The following PRKG1 variants were observed in gnomAD, a reference collection of about 807,000 sequenced individuals.
The protein encoded by PRKG1 is cGMP-dependent protein kinase 1.
PRKG1 carries 35 observed loss-of-function variants against 88.1 expected under a neutral mutation model. The ratio of observed to expected loss-of-function variants is 0.40; its 90% CI spans 0.30 to 0.53. The LOEUF (loss-of-function observed/expected upper bound fraction) is 0.53, where lower values mean the gene tolerates loss of function less well. PRKG1 is among the 20% of genes least tolerant of loss of function. PRKG1 has a pLI of 0.59. For missense variants in PRKG1, 540 were observed against 839.8 expected (o/e 0.64, Z 4.41); for synonymous variants, 303 against 292.5 (o/e 1.04, Z -0.37).
At chr10:51,283,163 T>A (rs893565063) in intron 2 of PRKG1, among the ~76,000 whole-genome samples, 2 of 152,002 alleles carry the variant, frequency 1.3e-5, no homozygotes, top group African/African-American at 4.8e-5. Context: ...CTACTGCCAC[T>A]TTAGGAGATG....
chr10:51,180,130 C>A (rs1837305878), intron 2 of PRKG1, among the ~76,000 whole-genome samples: 1 of 152,136 alleles, frequency 6.6e-6, no homozygotes, highest in Non-Finnish European at 1.5e-5. Flanking sequence ...TGAGTGAGGA[C>A]CTTCAAATAT....
intron 3 of PRKG1, among the ~76,000 whole-genome samples, chr10:51,740,207 G>T (rs1837396887): frequency 6.6e-6 from 1 of 152,008 alleles, no homozygotes; most frequent in Non-Finnish European, 1.5e-5. Context: ...TGTATTTTTT[G>T]TAGAGACAGG....
rs528735656 is a variant in PRKG1 at position 51,459,467 on chromosome 10, G to A, written c.479-8256G>A. The stretch of plus-strand genomic sequence containing the variant: ...TTTATGAACCATGACCTAGAGGCCT[G>A]CTTATCCCCACTTAAAACTGCTTCT... On this transcript the variant is annotated intron_variant, in intron 2 of 17. Coordinates refer to ENST00000373980, the MANE Select transcript of PRKG1 (RefSeq NM_006258.4). Among the ~76,000 whole-genome samples the A allele has an allele frequency of 2.0e-5, 3 of 152,008 alleles. No individual in the cohort carries two copies. In the South Asian group the frequency reaches 6.2e-4, roughly 32 times the overall value.
At chr10:51,532,350 T>C (rs1404890684) in intron 3 of PRKG1, among the ~76,000 whole-genome samples, 1 of 152,222 alleles carries the variant, frequency 6.6e-6, no homozygotes, top group Admixed American at 6.5e-5. Context: ...GTGAAAATAC[T>C]CCATATACAA....
At chr10:51,834,154 G>C (rs1019518482) in intron 4 of PRKG1, among the ~76,000 whole-genome samples, 4 of 152,090 alleles carry the variant, frequency 2.6e-5, no homozygotes, top group Non-Finnish European at 5.9e-5. Flanking sequence ...ACTTTAGTCA[G>C]ACGCTTCCCC....
intron 5 of PRKG1, among the ~76,000 whole-genome samples, chr10:51,963,317 G>A (rs1843490526): frequency 6.6e-6 from 1 of 152,132 alleles, no homozygotes; most frequent in Non-Finnish European, 1.5e-5. Context: ...TAAGAAGACT[G>A]TTCATTAAGA....
chr10:52,280,808 A>G lies in PRKG1; in HGVS notation c.1423A>G (p.Thr475Ala), dbSNP rs140630065. ...CCTCAGAGGTTCGTTTGAAGATTCT[A>G]CAACCAGATTTTACACAGCATGTGT... Reference protein sequence around the residue: ...LRDRGSFEDSTTRFYTACVVE... With the variant: ...LRDRGSFEDSATRFYTACVVE... Residue 475 changes from threonine to alanine, a missense_variant, in exon 13 of 18, where the codon ACA becomes GCA. Physicochemically the swap from Thr to Ala is moderately conservative, Grantham distance 58 (BLOSUM62 0). Coordinates refer to ENST00000373980, the MANE Select transcript of PRKG1 (RefSeq NM_006258.4). 47 of 1,613,200 alleles carry G rather than the reference A, an allele frequency of 2.9e-5. No individual in the cohort carries two copies. The highest frequency in any genetic ancestry group is 3.7e-5 in the Non-Finnish European group (44 of 1,179,496).
At chr10:51,367,708 C>T (rs1273575175) in intron 2 of PRKG1, among the ~76,000 whole-genome samples, 1 of 151,882 alleles carries the variant, frequency 6.6e-6, no homozygotes, top group African/African-American at 2.4e-5. Context: ...AAGTCTCTAC[C>T]AATTTTGAGA....
chr10:51,312,064 T>C, intron 2 of PRKG1, among the ~76,000 whole-genome samples: 1 of 151,986 alleles, frequency 6.6e-6, no homozygotes, highest in Non-Finnish European at 1.5e-5. Context: ...TAGAGATGGG[T>C]TTTCTCCATG....
chr10:52,068,329 T>C (rs1361981296), intron 7 of PRKG1, among the ~76,000 whole-genome samples: 2 of 151,732 alleles, frequency 1.3e-5, no homozygotes, highest in Non-Finnish European at 2.9e-5. Flanking sequence ...ATAGGAAATA[T>C]GGTAGACCAA....
chr10:51,828,385 T>G (rs916204972), intron 4 of PRKG1, among the ~76,000 whole-genome samples: 1 of 152,172 alleles, frequency 6.6e-6, no homozygotes, highest in African/African-American at 2.4e-5. Flanking sequence ...GCCTCATTGG[T>G]GCTCAGACTT....
At chr10:52,261,734 G>A (rs374394673) in intron 10 of PRKG1, among the ~76,000 whole-genome samples, 3 of 152,044 alleles carry the variant, frequency 2.0e-5, no homozygotes, top group Admixed American at 2.0e-4. Flanking sequence ...TGATGTTATT[G>A]TGCAGAGAAA....
intron 1 of PRKG1, among the ~76,000 whole-genome samples, chr10:51,003,275 C>G (rs1842908356): frequency 6.6e-6 from 1 of 152,148 alleles, no homozygotes; most frequent in Non-Finnish European, 1.5e-5. Context: ...TTTATTTTCT[C>G]TGATCTTTCT....
chr10:52,103,821 T>C (rs1034315327), intron 7 of PRKG1, among the ~76,000 whole-genome samples: 4 of 151,874 alleles, frequency 2.6e-5, no homozygotes, highest in East Asian at 3.9e-4. Flanking sequence ...TTGTATGAAA[T>C]AGCAGCAAAG....
At chr10:52,230,945 A>G (rs1840506203) in intron 9 of PRKG1, 1 of 152,202 alleles carries the variant, frequency 6.6e-6, no homozygotes, top group African/African-American at 2.4e-5. Context: ...GAAGAAAACA[A>G]CTATCCTAGA....
At chr10:52,116,848 A>T (rs11000825) in intron 7 of PRKG1, among the ~76,000 whole-genome samples, 3,723 of 151,154 alleles carry the variant, frequency 0.025, 75 homozygotes, top group South Asian at 0.06. Context: ...TTTTTTTTTT[A>T]AAAGAAAACT....
chr10:51,663,068 G>C (rs1840338627), intron 3 of PRKG1, among the ~76,000 whole-genome samples: 1 of 152,036 alleles, frequency 6.6e-6, no homozygotes, highest in Non-Finnish European at 1.5e-5. Flanking sequence ...ATGAATTTTA[G>C]CAGGTAAAAT....
intron 3 of PRKG1, among the ~76,000 whole-genome samples, chr10:51,701,506 G>A (rs11812909): frequency 0.13 from 19,675 of 152,140 alleles, 1,918 homozygotes; most frequent in African/African-American, 0.27. Flanking sequence ...TTCCTGCTAT[G>A]TCAAAGAAAC....
intron 5 of PRKG1, among the ~76,000 whole-genome samples, chr10:52,006,975 T>A (rs2454533): frequency 0.7 from 106,343 of 151,990 alleles, 37,305 homozygotes; most frequent in East Asian, 0.92. Context: ...TGTATTCAGC[T>A]TTCTTAAAGA....
Sources: allele counts gnomAD v4.1 joint callset (sites outside exome capture counted in the v4.1 genomes callset), GRCh38; gene constraint gnomAD v4.1.1; transcripts MANE v1.5; gene names NCBI Gene and HGNC (gene_info 2026-07-23, HGNC 2026-07-21).